Variants in NDUFAF2 observed in about 807,000 individuals in gnomAD.
The protein encoded by NDUFAF2 is NADH:ubiquinone oxidoreductase complex assembly factor 2, also known as NADH dehydrogenase [ubiquinone] 1 alpha subcomplex assembly factor 2.
In NDUFAF2, 13 loss-of-function variants were observed where a neutral mutation model predicts 22.8. The observed-to-expected ratio is 0.57, with a 90% CI of 0.37 to 0.91. The LOEUF (loss-of-function observed/expected upper bound fraction) is 0.91, where lower values mean the gene tolerates loss of function less well. Among genes scored for constraint, NDUFAF2 ranks in the 40% least tolerant of loss-of-function variants. The pLI is 0.01. For missense variants in NDUFAF2, 162 were observed against 195.2 expected, an observed-to-expected ratio of 0.83 and a Z score of 1.01; for synonymous variants, 53 against 64.2, an observed-to-expected ratio of 0.83 and a Z score of 0.84.
At chr5:61,027,252 GAA>G (rs1334020041) in intron 1 of NDUFAF2, among the ~76,000 whole-genome samples, 1 of 150,448 alleles carries the variant, frequency 6.6e-6, no homozygotes, top group African/African-American at 2.4e-5. Context: ...AATTGGAAAA[GAA>G]GAGTATATAT....
At chr5:61,069,480 C>T (rs1270215635) in intron 1 of NDUFAF2, among the ~76,000 whole-genome samples, 1 of 152,006 alleles carries the variant, frequency 6.6e-6, no homozygotes, top group East Asian at 1.9e-4. Context: ...ACAACTAGCA[C>T]ATTAAGTCAG....
intron 3 of NDUFAF2, among the ~76,000 whole-genome samples, chr5:61,102,275 G>C (rs1416711540): frequency 2.6e-5 from 4 of 152,126 alleles, no homozygotes; most frequent in Non-Finnish European, 5.9e-5. Flanking sequence ...CTGACTTTAA[G>C]AATTACTTTA....
At chr5:61,112,519 T>C (rs1225601256) in intron 3 of NDUFAF2, among the ~76,000 whole-genome samples, 3 of 152,170 alleles carry the variant, frequency 2.0e-5, no homozygotes, top group African/African-American at 7.2e-5. Flanking sequence ...GCCCTTTATC[T>C]CTTTTTATAG....
At chr5:61,005,785 G>A (rs1372620684) in intron 1 of NDUFAF2, among the ~76,000 whole-genome samples, 2 of 152,136 alleles carry the variant, frequency 1.3e-5, no homozygotes, top group Admixed American at 6.5e-5. Flanking sequence ...TGTTGATGGG[G>A]TTGTTTGATT....
intron 2 of NDUFAF2, among the ~76,000 whole-genome samples, chr5:61,075,886 C>A (rs992150132): frequency 6.6e-6 from 1 of 152,120 alleles, no homozygotes; most frequent in Non-Finnish European, 1.5e-5. Context: ...GTAGATTAAA[C>A]AATGTGCCCT....
chr5:60,988,917 A>G (rs1232627686), intron 1 of NDUFAF2, among the ~76,000 whole-genome samples: 2 of 152,224 alleles, frequency 1.3e-5, no homozygotes, highest in Admixed American at 6.5e-5. Flanking sequence ...CAAAGCAAAA[A>G]TTGAGAAATG....
At chr5:61,110,235 A>G (rs1182104653) in intron 3 of NDUFAF2, among the ~76,000 whole-genome samples, 6 of 151,424 alleles carry the variant, frequency 4.0e-5, no homozygotes, top group Non-Finnish European at 4.4e-5. Context: ...AGTGTTCATC[A>G]GGGATATTGG....
At chr5:60,994,221 G>A (rs969201045) in intron 1 of NDUFAF2, among the ~76,000 whole-genome samples, 75 of 152,262 alleles carry the variant, frequency 4.9e-4, no homozygotes, top group Non-Finnish European at 1.9e-4. Context: ...CTAGGAGCGG[G>A]AGCAGACACT....
intron 1 of NDUFAF2, among the ~76,000 whole-genome samples, chr5:60,980,661 T>C (rs938740203): frequency 6.6e-6 from 1 of 152,118 alleles, no homozygotes; most frequent in Admixed American, 6.5e-5. Context: ...TAGTCCCAGC[T>C]ACTCAGAAGG....
chr5:61,010,784 T>C (rs1751433604), intron 1 of NDUFAF2, among the ~76,000 whole-genome samples: 1 of 152,212 alleles, frequency 6.6e-6, no homozygotes, highest in African/African-American at 2.4e-5. Flanking sequence ...CATTCGCTCT[T>C]TTCTGTTACA....
chr5:61,068,673 T>A (rs1752258983), intron 1 of NDUFAF2, among the ~76,000 whole-genome samples: 1 of 152,158 alleles, frequency 6.6e-6, no homozygotes, highest in Non-Finnish European at 1.5e-5. Context: ...TTAATGAATC[T>A]ATTATTAGGA....
chr5:61,077,285 T>G (rs1752381516), intron 2 of NDUFAF2, among the ~76,000 whole-genome samples: 2 of 152,066 alleles, frequency 1.3e-5, no homozygotes, highest in African/African-American at 4.8e-5. Flanking sequence ...CAAAGTTTAG[T>G]TAGAGACAAT....
chr5:61,027,124 G>A lies in NDUFAF2; in HGVS notation c.128-46001G>A, dbSNP rs866509679. On this transcript the variant is annotated intron_variant, in intron 1 of 3. Coordinates refer to ENST00000296597, the MANE Select transcript of NDUFAF2 (RefSeq NM_174889.5). ...CCAGAAAACATGTAAATTAAATTAA[G>A]TGTTGGTCTTTATTTTTTCACATAC... 1.3e-4 allele frequency among the ~76,000 whole-genome samples: 20 copies of A among 151,822 alleles called. No homozygotes were observed. The Middle Eastern group carries it at 0.01, about 77-fold the overall frequency.
At chr5:61,102,042 A>G (rs1006605796) in intron 3 of NDUFAF2, among the ~76,000 whole-genome samples, 21 of 152,174 alleles carry the variant, frequency 1.4e-4, no homozygotes, top group African/African-American at 5.1e-4. Context: ...ATTTGCATTT[A>G]TAACATGTTG....
chr5:60,971,966 G>A (rs185437431), intron 1 of NDUFAF2, among the ~76,000 whole-genome samples: 1,649 of 136,102 alleles, frequency 0.012, 17 homozygotes, highest in Middle Eastern at 0.019. Flanking sequence ...TTTCTGAGAC[G>A]GAGTCGTGCT....
At chr5:60,957,769 G>A (rs1330885585) in intron 1 of NDUFAF2, among the ~76,000 whole-genome samples, 2 of 152,202 alleles carry the variant, frequency 1.3e-5, no homozygotes, top group Admixed American at 6.5e-5. Context: ...TCTGAAGACT[G>A]TCAGTATCAG....
chr5:61,066,299 T>C (rs1403322154), intron 1 of NDUFAF2, among the ~76,000 whole-genome samples: 1 of 152,032 alleles, frequency 6.6e-6, no homozygotes, highest in Non-Finnish European at 1.5e-5. Flanking sequence ...AGTGTACATA[T>C]GTAACACAAT....
intron 3 of NDUFAF2, among the ~76,000 whole-genome samples, chr5:61,112,056 C>G (rs991831476): frequency 6.6e-6 from 1 of 152,068 alleles, no homozygotes; most frequent in Non-Finnish European, 1.5e-5. Context: ...GGCTCCTGTC[C>G]TCCAGTTATT....
At chr5:61,069,745 C>T (rs75014701) in intron 1 of NDUFAF2, among the ~76,000 whole-genome samples, 2,293 of 152,106 alleles carry the variant, frequency 0.015, 66 homozygotes, top group African/African-American at 0.052. Flanking sequence ...TTGTCATCTA[C>T]GATATGCCTT....
Sources: allele counts gnomAD v4.1 joint callset (sites outside exome capture counted in the v4.1 genomes callset), GRCh38; gene constraint gnomAD v4.1.1; transcripts MANE v1.5; gene names NCBI Gene and HGNC (gene_info 2026-07-23, HGNC 2026-07-21).